Variants in THSD7A observed in about 807,000 individuals in gnomAD.
THSD7A encodes thrombospondin type-1 domain-containing protein 7A.
In THSD7A, 96 loss-of-function variants were observed where a neutral mutation model predicts 231.3. The ratio of observed to expected loss-of-function variants is 0.41; its 90% CI spans 0.35 to 0.49. THSD7A has a LOEUF of 0.49. Among genes scored for constraint, THSD7A ranks in the 20% least tolerant of loss-of-function variants. THSD7A has a pLI of 0.05. For synonymous variants in THSD7A, 940 were observed against 743.3 expected, an observed-to-expected ratio of 1.26 and a Z score of -4.30; for missense variants, 2,290 against 2,070.2, an observed-to-expected ratio of 1.11 and a Z score of -2.06.
Position 11,541,627 on chromosome 7 carries a change from G to C in THSD7A, c.1614C>G (p.Phe538Leu). The change falls in exon 6 of 28, where the codon TTC becomes TTG. Residue 538 changes from phenylalanine (F) to leucine (L), a missense_variant. Coordinates refer to ENST00000423059, the MANE Select transcript of THSD7A (RefSeq NM_015204.3). ...TGGTAATGCGCCGCTTCCTCAGTTT[G>C]AAGCCTGAATTATGGGGGAAGGAAA... is the stretch of plus-strand genomic sequence containing the variant. ...NCNDQQGKKG[F>L]KLRKRRITNE... 6.2e-7 allele frequency: 1 copy of C among 1,613,692 alleles called. No homozygotes were observed.
At chr7:11,522,755 T>G (rs1160154068) in intron 6 of THSD7A, among the ~76,000 whole-genome samples, 1 of 152,192 alleles carries the variant, frequency 6.6e-6, no homozygotes, top group African/African-American at 2.4e-5. Context: ...ACTTTTGTTA[T>G]GGGAAAATAT....
chr7:11,599,429 A>C (rs1051666267), intron 2 of THSD7A, among the ~76,000 whole-genome samples: 4 of 152,238 alleles, frequency 2.6e-5, no homozygotes, highest in African/African-American at 7.2e-5. Flanking sequence ...AATTGTCATC[A>C]GTATTTCCTC....
Position 11,719,171 on chromosome 7 carries a change from G to C in THSD7A, c.191-82210C>G, listed in dbSNP as rs76774148. 6.9e-3 allele frequency among the ~76,000 whole-genome samples: 1,040 copies of C among 151,556 alleles called. 15 individuals are homozygous for C. Among genetic ancestry groups the C allele is most frequent in the African/African-American group, 0.024 (987 of 41,420 alleles). On this transcript the variant is annotated intron_variant, in intron 1 of 27. Transcript: ENST00000423059. Reference sequence around the variant, plus strand: ...GATTACCTATTTAAAACATAGATTAGCAAATTTCTCTACTTCTTTATTCTC... The same window carrying C: ...GATTACCTATTTAAAACATAGATTACCAAATTTCTCTACTTCTTTATTCTC...
In THSD7A at chr7:11,429,080, T is replaced by G. The variant is rs1784405352; in HGVS notation, c.3110A>C (p.Lys1037Thr). 6.2e-7 allele frequency: 1 copy of G among 1,611,210 alleles called. No individual in the cohort carries two copies. The highest frequency in any genetic ancestry group is 1.1e-5 in the South Asian group (1 of 90,634). ...ACIIPCPSDCKLSEWSNWSRC... is the reference protein window; with the variant it reads ...ACIIPCPSDCTLSEWSNWSRC... ...CGACCAGTTGGACCACTCACTGAGC[T>G]TGCAGTCTGAGGGGCAGGGGATGAT... The change falls in exon 14 of 28, where the codon AAG becomes ACG. Residue 1037 changes from lysine (K) to threonine (T), a missense_variant. Coordinates refer to ENST00000423059, the MANE Select transcript of THSD7A (RefSeq NM_015204.3).
chr7:11,753,307 T>C (rs951632638), intron 1 of THSD7A, among the ~76,000 whole-genome samples: 3 of 152,108 alleles, frequency 2.0e-5, no homozygotes, highest in Non-Finnish European at 4.4e-5. Flanking sequence ...TGCAGTGTTG[T>C]AGTTTTCAAA....
chr7:11,689,210 C>T (rs187684712), intron 1 of THSD7A, among the ~76,000 whole-genome samples: 2 of 151,846 alleles, frequency 1.3e-5, no homozygotes, highest in African/African-American at 4.8e-5. Context: ...CAATTATGAC[C>T]AAATTGGTTA....
intron 1 of THSD7A, among the ~76,000 whole-genome samples, chr7:11,651,548 A>T (rs1296694186): frequency 6.6e-6 from 1 of 151,502 alleles, no homozygotes; most frequent in Non-Finnish European, 1.5e-5. Flanking sequence ...ACTATAGCCC[A>T]CCCTTTTTTA....
chr7:11,472,377 A>G (rs1227402443), intron 8 of THSD7A, among the ~76,000 whole-genome samples: 1 of 152,192 alleles, frequency 6.6e-6, no homozygotes, highest in Non-Finnish European at 1.5e-5. Flanking sequence ...TATTAAGAGA[A>G]GTTTAAAACA....
At chr7:11,513,075 G>A (rs1787886089) in intron 6 of THSD7A, among the ~76,000 whole-genome samples, 1 of 151,222 alleles carries the variant, frequency 6.6e-6, no homozygotes, top group Non-Finnish European at 1.5e-5. Context: ...ACCAAATGTT[G>A]TGTATTCTCA....
chr7:11,583,466 C>G (rs150463221), intron 4 of THSD7A, among the ~76,000 whole-genome samples: 366 of 152,062 alleles, frequency 2.4e-3, no homozygotes, highest in African/African-American at 8.4e-3. Flanking sequence ...TTGGTAGAGA[C>G]AGTTTCACCA....
intron 1 of THSD7A, among the ~76,000 whole-genome samples, chr7:11,686,559 A>T (rs1274881584): frequency 6.6e-6 from 1 of 151,902 alleles, no homozygotes. Context: ...CACAATTCAC[A>T]GTAGTAAAGA....
intron 13 of THSD7A, among the ~76,000 whole-genome samples, chr7:11,441,732 G>C (rs768477948): frequency 6.6e-6 from 1 of 151,840 alleles, no homozygotes; most frequent in Non-Finnish European, 1.5e-5. Flanking sequence ...CACAGAAACA[G>C]AAAGCCAAAC....
At chr7:11,568,125 C>A (rs1790444071) in intron 4 of THSD7A, among the ~76,000 whole-genome samples, 1 of 152,112 alleles carries the variant, frequency 6.6e-6, no homozygotes, top group Non-Finnish European at 1.5e-5. Flanking sequence ...TACCTAATTA[C>A]TTTTCGTTAA....
chr7:11,504,791 ATT>A (rs1387529370), intron 6 of THSD7A, among the ~76,000 whole-genome samples: 1 of 151,174 alleles, frequency 6.6e-6, no homozygotes, highest in East Asian at 1.9e-4. Context: ...TGCATGAACC[ATT>A]TTCTTCTGGA....
intron 6 of THSD7A, among the ~76,000 whole-genome samples, chr7:11,514,722 A>T (rs1014500238): frequency 1.3e-5 from 2 of 152,208 alleles, no homozygotes; most frequent in African/African-American, 4.8e-5. Context: ...CAGTATAATT[A>T]TTCAGTAATA....
At chr7:11,711,283 G>C (rs1027220935) in intron 1 of THSD7A, among the ~76,000 whole-genome samples, 1 of 150,904 alleles carries the variant, frequency 6.6e-6, no homozygotes, top group African/African-American at 2.4e-5. Context: ...GAAGGAGCTT[G>C]TTGGAGAGCA....
intron 23 of THSD7A, among the ~76,000 whole-genome samples, chr7:11,397,623 T>G (rs762254430): frequency 1.8e-4 from 28 of 152,196 alleles, no homozygotes; most frequent in Non-Finnish European, 3.5e-4. Context: ...ACAGGCAACC[T>G]GCTGATTGGG....
At chr7:11,603,951 T>C (rs559300303) in intron 2 of THSD7A, among the ~76,000 whole-genome samples, 3 of 151,016 alleles carry the variant, frequency 2.0e-5, no homozygotes, top group Non-Finnish European at 2.9e-5. Flanking sequence ...GTGGGTGCAG[T>C]GCACCAGCAT....
At chr7:11,390,300 C>T (rs997567375) in intron 23 of THSD7A, among the ~76,000 whole-genome samples, 48 of 152,122 alleles carry the variant, frequency 3.2e-4, no homozygotes, top group African/African-American at 1.2e-3. Context: ...TTTGTTTGTT[C>T]CTTTTTATTC....
Sources: gnomAD v4.1 joint callset for allele counts (sites outside exome capture counted in the v4.1 genomes callset) on GRCh38, gnomAD v4.1.1 for gene constraint, MANE v1.5 for transcripts, NCBI Gene and HGNC (gene_info 2026-07-23, HGNC 2026-07-21) for gene names.